The following NBAS variants were observed in gnomAD, a reference collection of about 807,000 sequenced individuals.
The protein encoded by NBAS is NBAS subunit of NRZ tethering complex.
Under a neutral mutation model 302.5 loss-of-function variants are expected in NBAS, and 219 were observed. The observed-to-expected ratio is 0.72, with a 90% confidence interval of 0.65 to 0.81. The LOEUF is 0.81. NBAS is among the 30% of genes least tolerant of loss of function. The pLI is 0.00. For missense variants in NBAS, 2,932 were observed against 2,841.6 expected (o/e 1.03, Z -0.72); for synonymous variants, 1,118 against 1,021.6 (o/e 1.09, Z -1.80).
chr2:15,292,493 G>A, intron 41 of NBAS, 44 bp downstream of exon 41: 1 of 1,579,528 alleles, frequency 6.3e-7, no homozygotes, highest in Middle Eastern at 1.7e-4. Flanking sequence ...TTATTCTTTT[G>A]CAGTTTAAAT....
chr2:14,891,037 T>C, the NBAS span, among the ~76,000 whole-genome samples: 2 of 152,234 alleles, frequency 1.3e-5, no homozygotes, highest in African/African-American at 4.8e-5. Context: ...CTTGCCAAGT[T>C]AGTCCCAGAG....
intron 6 of NBAS, among the ~76,000 whole-genome samples, chr2:15,540,481 C>A (rs1314812528): frequency 6.6e-6 from 1 of 152,026 alleles, no homozygotes; most frequent in East Asian, 1.9e-4. Context: ...CAGACGATAT[C>A]TTTCTAAAAT....
intron 16 of NBAS, among the ~76,000 whole-genome samples, chr2:15,470,614 T>C (rs893988774): frequency 6.6e-6 from 1 of 152,214 alleles, no homozygotes; most frequent in Non-Finnish European, 1.5e-5. Context: ...TCTTCCTCCC[T>C]TCTCATTCAA....
chr2:15,531,886 C>T (rs972801250), intron 9 of NBAS, among the ~76,000 whole-genome samples: 1 of 152,144 alleles, frequency 6.6e-6, no homozygotes, highest in Admixed American at 6.5e-5. Context: ...TTGCCCCCTA[C>T]TCTCCCACCC....
At chr2:15,066,299 T>G in the NBAS span, among the ~76,000 whole-genome samples, 7 of 152,350 alleles carry the variant, frequency 4.6e-5, no homozygotes, top group South Asian at 1.4e-3. Flanking sequence ...TTCATGACAT[T>G]GATCTCGGCA....
intron 44 of NBAS, among the ~76,000 whole-genome samples, chr2:15,244,492 A>T (rs1416277018): frequency 6.6e-6 from 1 of 152,186 alleles, no homozygotes; most frequent in Non-Finnish European, 1.5e-5. Context: ...TCTGTACAGC[A>T]GATTTTTTAA....
intron 48 of NBAS, among the ~76,000 whole-genome samples, chr2:15,216,712 C>G (rs949751165): frequency 5.9e-5 from 9 of 152,164 alleles, no homozygotes; most frequent in African/African-American, 1.9e-4. Context: ...AGCTCGCGTT[C>G]AAATATTGAA....
the NBAS span, among the ~76,000 whole-genome samples, chr2:14,823,090 T>G: frequency 6.6e-6 from 1 of 152,208 alleles, no homozygotes; most frequent in Admixed American, 6.5e-5. Context: ...GATAGAATTT[T>G]TTTAACAAAA....
the NBAS span, among the ~76,000 whole-genome samples, chr2:14,894,550 T>C: frequency 6.6e-6 from 1 of 151,666 alleles, no homozygotes; most frequent in African/African-American, 2.4e-5. Context: ...AATATATATA[T>C]AAATATAAAA....
chr2:14,970,246 A>G, the NBAS span, among the ~76,000 whole-genome samples: 2 of 152,196 alleles, frequency 1.3e-5, no homozygotes, highest in African/African-American at 4.8e-5. Flanking sequence ...TACTGCATAT[A>G]TATTTCTTAT....
At chr2:15,166,473 A>G (rs2125092869), downstream of NBAS, among the ~76,000 whole-genome samples, 1 of 152,260 alleles carries the variant, frequency 6.6e-6, no homozygotes, top group East Asian at 1.9e-4. Context: ...GAGAGTTAAT[A>G]TTTCTTCAGC....
At chr2:15,547,813 G>T (rs1222795855) in intron 6 of NBAS, among the ~76,000 whole-genome samples, 2 of 152,064 alleles carry the variant, frequency 1.3e-5, no homozygotes, top group Non-Finnish European at 2.9e-5. Flanking sequence ...TTTAAGCAAG[G>T]CCTGGTCTAC....
the NBAS span, among the ~76,000 whole-genome samples, chr2:14,832,180 C>T: frequency 6.6e-6 from 1 of 152,146 alleles, no homozygotes; most frequent in Non-Finnish European, 1.5e-5. Context: ...CACCTGCACC[C>T]CAGGCTCTCA....
the NBAS span, among the ~76,000 whole-genome samples, chr2:15,097,922 T>G: frequency 2.5e-5 from 3 of 117,794 alleles, no homozygotes; most frequent in East Asian, 6.5e-4. Context: ...ATATTATATA[T>G]TATATATATT....
intron 35 of NBAS, among the ~76,000 whole-genome samples, chr2:15,343,147 A>G (rs1410211876): frequency 6.6e-6 from 1 of 152,138 alleles, no homozygotes; most frequent in East Asian, 1.9e-4. Flanking sequence ...CTATGCATTT[A>G]CACAAGATGT....
the NBAS span, among the ~76,000 whole-genome samples, chr2:15,060,098 T>C: frequency 6.6e-6 from 1 of 151,906 alleles, no homozygotes; most frequent in African/African-American, 2.4e-5. Flanking sequence ...GCTGAATGAG[T>C]CACCTAATGT....
At chr2:15,327,972 A>C (rs2148224381) in intron 37 of NBAS, 102 bp from the exon 38 acceptor site, 1 of 1,470,070 alleles carries the variant, frequency 6.8e-7, no homozygotes, top group East Asian at 2.3e-5. Flanking sequence ...TGGTGACTTG[A>C]ATAATAACTG....
chr2:15,191,426 C>T (rs1665350276), intron 48 of NBAS, among the ~76,000 whole-genome samples: 1 of 152,162 alleles, frequency 6.6e-6, no homozygotes, highest in African/African-American at 2.4e-5. Context: ...CTATGGGAAG[C>T]CTTGTTCACA....
chr2:15,164,563 C>T (rs376725680), downstream of NBAS, among the ~76,000 whole-genome samples: 5 of 152,098 alleles, frequency 3.3e-5, no homozygotes, highest in East Asian at 5.8e-4. Flanking sequence ...CTGGGGGCCG[C>T]GTCCCAGGAA....
Sources: allele counts gnomAD v4.1 joint callset (sites outside exome capture counted in the v4.1 genomes callset), GRCh38; gene constraint gnomAD v4.1.1; transcripts MANE v1.5; gene names NCBI Gene and HGNC (gene_info 2026-07-23, HGNC 2026-07-21).